SPHKAP: variants seen among roughly 807,000 people sequenced by gnomAD.
The protein encoded by SPHKAP is A-kinase anchor protein SPHKAP.
A neutral mutation model predicts 137.5 loss-of-function variants in SPHKAP; 67 were observed. The ratio of observed to expected loss-of-function variants is 0.49; its 90% CI spans 0.40 to 0.60. The LOEUF (loss-of-function observed/expected upper bound fraction) is 0.60. Among genes scored for constraint, SPHKAP ranks in the 20% least tolerant of loss-of-function variants. SPHKAP has a pLI of 0.00. For missense variants in SPHKAP, 2,097 were observed against 2,069.3 expected (o/e 1.01, Z -0.26); for synonymous variants, 813 against 785.3 (o/e 1.04, Z -0.59).
chr2:228,172,045 C>G (rs1700601316), intron 1 of SPHKAP, among the ~76,000 whole-genome samples: 2 of 151,196 alleles, frequency 1.3e-5, no homozygotes, highest in Admixed American at 1.3e-4. Flanking sequence ...GTGAAAAAAT[C>G]TTATAAAGTT....
chr2:228,139,927 TTTC>T (rs1699546240), intron 1 of SPHKAP, among the ~76,000 whole-genome samples: 1 of 150,090 alleles, frequency 6.7e-6, no homozygotes, highest in African/African-American at 2.4e-5. Flanking sequence ...TCTTTCTTTC[TTTC>T]TTTCTTTTTC....
chr2:228,148,528 T>C (rs1290639954), intron 1 of SPHKAP, among the ~76,000 whole-genome samples: 1 of 152,130 alleles, frequency 6.6e-6, no homozygotes, highest in African/African-American at 2.4e-5. Context: ...CAAGGACGCT[T>C]GCAAGGACAG....
intron 3 of SPHKAP, among the ~76,000 whole-genome samples, chr2:228,066,127 C>T (rs1696821632): frequency 6.6e-6 from 1 of 152,062 alleles, no homozygotes; most frequent in Admixed American, 6.6e-5. Context: ...CAAGCAAAAC[C>T]CTGTAGAGTT....
intron 3 of SPHKAP, among the ~76,000 whole-genome samples, chr2:228,071,944 CG>C (rs1480456490): frequency 6.6e-6 from 1 of 152,172 alleles, no homozygotes; most frequent in East Asian, 1.9e-4. Context: ...CTGCCTTCTA[CG>C]GAACCTATCT....
intron 1 of SPHKAP, among the ~76,000 whole-genome samples, chr2:228,173,341 T>C (rs1700644620): frequency 6.6e-6 from 1 of 152,180 alleles, no homozygotes; most frequent in African/African-American, 2.4e-5. Context: ...ATATCTTAAT[T>C]CCTGAAATCT....
intron 2 of SPHKAP, among the ~76,000 whole-genome samples, chr2:228,112,166 C>A (rs1003792985): frequency 6.6e-6 from 1 of 152,114 alleles, no homozygotes; most frequent in African/African-American, 2.4e-5. Context: ...GATTTTGGAA[C>A]ACCCATCAAT....
intron 3 of SPHKAP, among the ~76,000 whole-genome samples, chr2:228,075,878 C>A (rs1697164043): frequency 1.3e-5 from 2 of 152,254 alleles, no homozygotes; most frequent in South Asian, 4.2e-4. Context: ...CAAAACAAAT[C>A]ATACACTTAA....
At chr2:228,001,346 TAC>T (rs1489253283) in intron 7 of SPHKAP, among the ~76,000 whole-genome samples, 35 of 143,010 alleles carry the variant, frequency 2.4e-4, no homozygotes, top group African/African-American at 8.5e-4. Context: ...TAAATATATA[TAC>T]ACATATATAA....
rs201052578 is a variant in SPHKAP at position 228,020,069 on chromosome 2, T to C, written c.785A>G (p.Glu262Gly). Residue 262 changes from glutamate (E) to glycine (G), a missense_variant, in exon 7 of 12, where the codon GAA becomes GGA. Glu to Gly is a moderately conservative substitution (Grantham distance 98). Transcript: ENST00000392056. ...GTCTTCCAAAGCATAAAGCCACTTT[T>C]CCTTGTTGCAATTCCATTCCACCTG... is the stretch of plus-strand genomic sequence containing the variant. ...ATQVEWNCNKEKWLYALEDKY... is the reference protein window; with the variant it reads ...ATQVEWNCNKGKWLYALEDKY... The C allele has an allele frequency of 3.7e-6, 6 of 1,614,258 alleles. No individual in the cohort carries two copies. Among genetic ancestry groups the C allele is most frequent in the Non-Finnish European group, 5.1e-6 (6 of 1,180,042 alleles).
intron 2 of SPHKAP, among the ~76,000 whole-genome samples, chr2:228,129,506 C>T (rs1029203000): frequency 6.6e-6 from 1 of 152,002 alleles, no homozygotes; most frequent in Non-Finnish European, 1.5e-5. Context: ...TATTTCTCCC[C>T]AAGATCTAAC....
At chr2:228,162,835 A>G (rs1390838600) in intron 1 of SPHKAP, among the ~76,000 whole-genome samples, 5 of 152,108 alleles carry the variant, frequency 3.3e-5, no homozygotes, top group Non-Finnish European at 7.3e-5. Flanking sequence ...AGTAGCTGGG[A>G]TTACAGGCAT....
chr2:228,041,662 A>G (rs1049911758), intron 3 of SPHKAP, among the ~76,000 whole-genome samples: 3 of 150,342 alleles, frequency 2.0e-5, no homozygotes, highest in South Asian at 2.1e-4. Context: ...AAAAAAAAAA[A>G]AAAGAAAAAA....
intron 1 of SPHKAP, among the ~76,000 whole-genome samples, chr2:228,174,034 G>A (rs2106431821): frequency 6.6e-6 from 1 of 152,286 alleles, no homozygotes; most frequent in Middle Eastern, 3.4e-3. Context: ...AATGTGGCTT[G>A]GTGTGCAGGT....
At chr2:228,159,660 A>G (rs1204496606) in intron 1 of SPHKAP, among the ~76,000 whole-genome samples, 1 of 152,228 alleles carries the variant, frequency 6.6e-6, no homozygotes, top group Non-Finnish European at 1.5e-5. Context: ...AACTGCTTTA[A>G]GAAAATGGAG....
intron 3 of SPHKAP, among the ~76,000 whole-genome samples, chr2:228,087,736 C>T (rs4594430): frequency 1 from 152,286 of 152,290 alleles, 76,141 homozygotes; most frequent in Non-Finnish European, 1. Flanking sequence ...GAGAGATTGA[C>T]AGGGATATGC....
chr2:227,985,578 T>C (rs937699632), intron 11 of SPHKAP, among the ~76,000 whole-genome samples: 31 of 152,132 alleles, frequency 2.0e-4, no homozygotes, highest in South Asian at 1.0e-3. Context: ...AAAATGAAAA[T>C]AATTTCATTT....
At chr2:228,021,673 G>A in intron 6 of SPHKAP, 38 bp downstream of exon 6, 1 of 1,566,302 alleles carries the variant, frequency 6.4e-7, no homozygotes, top group Non-Finnish European at 8.6e-7. Flanking sequence ...TTTTATACGG[G>A]GACTAATTTC....
intron 3 of SPHKAP, among the ~76,000 whole-genome samples, chr2:228,061,694 G>A (rs914377596): frequency 6.6e-6 from 1 of 150,998 alleles, no homozygotes; most frequent in East Asian, 1.9e-4. Context: ...ATAATATTTG[G>A]GCTGAGGTAT....
intron 1 of SPHKAP, among the ~76,000 whole-genome samples, chr2:228,160,454 A>G (rs1290059629): frequency 1.3e-5 from 2 of 152,178 alleles, no homozygotes; most frequent in Admixed American, 1.3e-4. Flanking sequence ...AGGGGAAGGA[A>G]ACATGTCCTT....
Sources: allele counts gnomAD v4.1 joint callset (sites outside exome capture counted in the v4.1 genomes callset), GRCh38; gene constraint gnomAD v4.1.1; transcripts MANE v1.5; gene names NCBI Gene and HGNC (gene_info 2026-07-23, HGNC 2026-07-21).